Variants in USP37 observed in about 807,000 individuals in gnomAD.
USP37 encodes ubiquitin specific peptidase 37, also known as ubiquitin carboxyl-terminal hydrolase 37.
In USP37, 27 loss-of-function variants were observed where a neutral mutation model predicts 124.0. The ratio of observed to expected loss-of-function variants is 0.22; its 90% confidence interval spans 0.16 to 0.30. The LOEUF (loss-of-function observed/expected upper bound fraction) is 0.30. USP37 is among the 10% of genes least tolerant of loss of function. The probability of loss-of-function intolerance (pLI) is 1.00; values close to 1 mark genes in which losing one functional copy is unlikely to be tolerated. For missense variants in USP37, 889 were observed against 1,140.4 expected (o/e 0.78, Z 3.17); for synonymous variants, 365 against 388.0 (o/e 0.94, Z 0.70).
chr2:218,474,107 T>C (rs1690839731), intron 20 of USP37, among the ~76,000 whole-genome samples: 2 of 152,226 alleles, frequency 1.3e-5, no homozygotes, highest in South Asian at 2.1e-4. Context: ...AATTCAGATA[T>C]AGGAAAATGA....
Position 218,455,717 on chromosome 2 carries a change from A to G in USP37, c.2715T>C (p.Gly905=). Residue 905 remains glycine (G), a splice_region_variant and synonymous_variant, in exon 25 of 26, where the codon GGT becomes GGC. Transcript: ENST00000258399. The stretch of plus-strand genomic sequence containing the variant: ...TGTCATATACATCACTAATGTAATG[A>G]CCTGAAACAAATAACATCTTAAAAT... ...VSHIGSTSSS[G]HYISDVYDIK... is the part of the protein sequence containing the mutation. 1 of 1,611,140 alleles carries G rather than the reference A, an allele frequency of 6.2e-7. No individual in the cohort carries two copies. Among genetic ancestry groups the G allele is most frequent in the Non-Finnish European group, 8.5e-7 (1 of 1,178,926 alleles).
At chr2:218,509,653 A>C (rs962801796) in intron 11 of USP37, among the ~76,000 whole-genome samples, 4 of 152,072 alleles carry the variant, frequency 2.6e-5, no homozygotes, top group Non-Finnish European at 4.4e-5. Context: ...TTTTGTGTTT[A>C]ATATATATAT....
chr2:218,465,745 G>A (rs139192930), intron 21 of USP37, among the ~76,000 whole-genome samples: 47 of 152,144 alleles, frequency 3.1e-4, no homozygotes, highest in African/African-American at 1.1e-3. Context: ...TTTAGTAGAT[G>A]GGGTTTTGTC....
intron 11 of USP37, among the ~76,000 whole-genome samples, chr2:218,499,291 A>G (rs530231712): frequency 1.0e-5 from 1 of 95,758 alleles, no homozygotes; most frequent in Non-Finnish European, 2.2e-5. Context: ...AACAAAAAAC[A>G]ACAAAAAAAA....
intron 9 of USP37, among the ~76,000 whole-genome samples, chr2:218,530,315 A>C (rs1456818061): frequency 1.3e-5 from 2 of 152,136 alleles, no homozygotes; most frequent in Non-Finnish European, 2.9e-5. Flanking sequence ...ACGCTCGCTC[A>C]CTTCATGTCT....
At chr2:218,483,605 A>G (rs997468844) in intron 16 of USP37, among the ~76,000 whole-genome samples, 37 of 151,832 alleles carry the variant, frequency 2.4e-4, no homozygotes, top group African/African-American at 8.0e-4. Flanking sequence ...AAAAAAAAAA[A>G]AAGAAAAAAA....
At chr2:218,516,414 A>ATCAT (rs1690284465) in intron 10 of USP37, among the ~76,000 whole-genome samples, 1 of 152,176 alleles carries the variant, frequency 6.6e-6, no homozygotes, top group African/African-American at 2.4e-5. Flanking sequence ...GCTGGAAACC[A>ATCAT]TCATTCTCAG....
At chr2:218,515,558 A>G (rs985672441) in intron 10 of USP37, among the ~76,000 whole-genome samples, 2 of 152,244 alleles carry the variant, frequency 1.3e-5, no homozygotes, top group South Asian at 2.1e-4. Context: ...AAGATGGATT[A>G]AACACTTAAA....
chr2:218,456,466 A>G (rs912041520), intron 24 of USP37, among the ~76,000 whole-genome samples: 8 of 151,898 alleles, frequency 5.3e-5, no homozygotes, highest in Non-Finnish European at 1.2e-4. Context: ...CTCTTGAAAA[A>G]AAAAAAAAGA....
At chr2:218,461,839 A>G (rs546095299) in intron 22 of USP37, among the ~76,000 whole-genome samples, 138 of 152,112 alleles carry the variant, frequency 9.1e-4, no homozygotes, top group African/African-American at 3.3e-3. Context: ...CCAAAACTCC[A>G]TCTCTACTAA....
rs760259869 is a variant in USP37 at position 218,451,962 on chromosome 2, C to T, written c.*2968G>A. Reference sequence around the variant, plus strand: ...CTGAGACAAAACTCATGAGTGTGCACACACATGTGAATATATCCCTACGAA... The same window carrying T: ...CTGAGACAAAACTCATGAGTGTGCATACACATGTGAATATATCCCTACGAA... On this transcript the variant is annotated 3_prime_UTR_variant, in exon 26 of 26. Transcript: ENST00000258399. The T allele has an allele frequency of 3.3e-5, 5 of 152,602 alleles. No homozygotes were observed. Among genetic ancestry groups the T allele is most frequent in the Admixed American group, 2.0e-4 (3 of 15,272 alleles). The allele number at this position is 152,602 out of a possible 1,614,324, so 9.5% of individuals were successfully genotyped here. A position where few individuals can be genotyped will look rare whatever the true frequency, so the allele number is the denominator to read the frequency against.
At chr2:218,493,756 C>T (rs2105986352) in intron 14 of USP37, among the ~76,000 whole-genome samples, 1 of 152,268 alleles carries the variant, frequency 6.6e-6, no homozygotes, top group Admixed American at 6.5e-5. Context: ...CAGGCGGGAG[C>T]CACCATGCCC....
At chr2:218,535,664 G>A (rs1010954568) in intron 8 of USP37, among the ~76,000 whole-genome samples, 2 of 151,998 alleles carry the variant, frequency 1.3e-5, no homozygotes, top group Non-Finnish European at 2.9e-5. Context: ...AGACCATCCT[G>A]GTTAACACAG....
Position 218,476,928 on chromosome 2 carries a change from C to T in USP37, c.1955G>A (p.Ser652Asn), listed in dbSNP as rs1162298538. ...CACAGAACGTTTTAGCTCATCCTCA[C>T]TGTCTGAATCAAGGCATAAAGCCAA... ...SSLALCLDSD[S>N]EDELKRSVAL... The change falls in exon 19 of 26, where the codon AGT becomes AAT. Residue 652 changes from serine (S) to asparagine (N), a missense_variant. By Grantham distance (46) the Ser-to-Asn change is conservative. Coordinates refer to ENST00000258399, the MANE Select transcript of USP37 (RefSeq NM_020935.3). 4 of 1,603,810 alleles carry T rather than the reference C, an allele frequency of 2.5e-6. No homozygotes were observed. The African/African-American group carries it at 5.4e-5, about 22-fold the overall frequency.
intron 16 of USP37, among the ~76,000 whole-genome samples, chr2:218,484,350 G>T (rs866412709): frequency 6.6e-6 from 1 of 151,846 alleles, no homozygotes; most frequent in African/African-American, 2.4e-5. Flanking sequence ...GGCCCGGCGC[G>T]GTGGCTTATG....
chr2:218,532,771 A>T (rs969313127), intron 9 of USP37, among the ~76,000 whole-genome samples: 1 of 151,984 alleles, frequency 6.6e-6, no homozygotes, highest in Non-Finnish European at 1.5e-5. Flanking sequence ...TCTACAAAAA[A>T]TACAAAAAAT....
rs995663125 is a variant in USP37, at chr2:218,548,223, C to A, written c.430-1132G>T. ...CTAATTCTTCCCTTGTTCTGTTATG[C>A]AAATACAAATCAATATTTTACTTTT... is the stretch of plus-strand genomic sequence containing the variant. On this transcript the variant is annotated intron_variant, in intron 6 of 25. Transcript: ENST00000258399. 3.3e-5 allele frequency among the ~76,000 whole-genome samples: 5 copies of A among 152,146 alleles called. 1 individual carries two copies. The highest frequency in any genetic ancestry group is 1.2e-4 in the African/African-American group (5 of 41,438).
chr2:218,476,581 C>T (rs888260438), intron 19 of USP37, among the ~76,000 whole-genome samples: 1 of 152,134 alleles, frequency 6.6e-6, no homozygotes, highest in East Asian at 1.9e-4. Flanking sequence ...TCTTAAAAAA[C>T]TGCTACCAAA....
chr2:218,549,024 T>G (rs1574954507), intron 6 of USP37, among the ~76,000 whole-genome samples: 1 of 152,180 alleles, frequency 6.6e-6, no homozygotes, highest in East Asian at 1.9e-4. Context: ...TACAACCTAA[T>G]CTATAGTGGG....
Sources: gnomAD v4.1 joint callset for allele counts (sites outside exome capture counted in the v4.1 genomes callset) on GRCh38, gnomAD v4.1.1 for gene constraint, MANE v1.5 for transcripts, NCBI Gene and HGNC (gene_info 2026-07-23, HGNC 2026-07-21) for gene names.